Variants in CALN1 observed in about 807,000 individuals in gnomAD.
CALN1 encodes calneuron 1, also known as calcium-binding protein 8.
A neutral mutation model predicts 30.6 loss-of-function variants in CALN1; 17 were observed. The ratio of observed to expected loss-of-function variants is 0.56; its 90% confidence interval spans 0.38 to 0.83. CALN1 has a LOEUF of 0.83. Ranked by LOEUF, CALN1 falls within the 40% of genes least tolerant of loss-of-function variation. The probability of loss-of-function intolerance (pLI) is 0.00; values close to 1 mark genes in which losing one functional copy is unlikely to be tolerated. For synonymous variants in CALN1, 156 were observed against 131.4 expected (o/e 1.19, Z -1.28); for missense variants, 291 against 354.9 (o/e 0.82, Z 1.45).
chr7:72,379,485 C>G (rs1025544108), intron 2 of CALN1, among the ~76,000 whole-genome samples: 1 of 152,230 alleles, frequency 6.6e-6, no homozygotes, highest in Admixed American at 6.5e-5. Flanking sequence ...AGAAAAGTCA[C>G]TCAACCTCTA....
intron 2 of CALN1, among the ~76,000 whole-genome samples, chr7:72,350,548 T>C (rs1393742836): frequency 6.6e-6 from 1 of 152,168 alleles, no homozygotes; most frequent in Non-Finnish European, 1.5e-5. Context: ...AAATACTGCA[T>C]GTTTTCACTT....
chr7:71,949,018 G>A (rs1169870982), intron 5 of CALN1, among the ~76,000 whole-genome samples: 1 of 120,180 alleles, frequency 8.3e-6, no homozygotes, highest in African/African-American at 3.2e-5. Context: ...ACTCCAGCCT[G>A]AGTCACACAG....
intron 3 of CALN1, among the ~76,000 whole-genome samples, chr7:72,158,957 A>G (rs1787911789): frequency 6.6e-6 from 1 of 152,058 alleles, no homozygotes; most frequent in African/African-American, 2.4e-5. Flanking sequence ...GGTTCAAGCA[A>G]TTCTCCTGCC....
intron 3 of CALN1, among the ~76,000 whole-genome samples, chr7:72,125,799 C>CTTTTTTTTTT (rs61475416): frequency 3.5e-5 from 4 of 114,774 alleles, no homozygotes; most frequent in Non-Finnish European, 5.2e-5. Flanking sequence ...CTGTATCATT[C>CTTTTTTTTTT]TTTTTTTTTT....
chr7:72,213,400 C>T (rs1792550459), intron 3 of CALN1, among the ~76,000 whole-genome samples: 1 of 152,122 alleles, frequency 6.6e-6, no homozygotes, highest in Non-Finnish European at 1.5e-5. Context: ...GGCACATCTA[C>T]AGAAGCAGAA....
intron 3 of CALN1, among the ~76,000 whole-genome samples, chr7:72,223,391 T>C (rs1000343367): frequency 7.2e-5 from 11 of 151,844 alleles, no homozygotes; most frequent in African/African-American, 2.4e-4. Flanking sequence ...CATGAGGAAA[T>C]CGTGCTCCTT....
At chr7:72,417,493 C>A (rs1339174086) in intron 1 of CALN1, among the ~76,000 whole-genome samples, 9 of 152,238 alleles carry the variant, frequency 5.9e-5, no homozygotes, top group Admixed American at 5.9e-4. Context: ...TCTGTCCCCG[C>A]TACCGTGGGC....
intron 5 of CALN1, among the ~76,000 whole-genome samples, chr7:71,981,364 G>A (rs551152927): frequency 5.9e-5 from 9 of 152,098 alleles, no homozygotes; most frequent in South Asian, 2.1e-4. Flanking sequence ...TGCTGACATC[G>A]TGAGGCATCC....
intron 5 of CALN1, among the ~76,000 whole-genome samples, chr7:71,995,794 G>A (rs533594735): frequency 2.0e-5 from 3 of 151,252 alleles, no homozygotes; most frequent in African/African-American, 7.3e-5. Context: ...GATCCTTGTG[G>A]TTGAATCCAC....
intron 3 of CALN1, among the ~76,000 whole-genome samples, chr7:72,140,083 C>A (rs1809786266): frequency 6.6e-6 from 1 of 151,734 alleles, no homozygotes; most frequent in Non-Finnish European, 1.5e-5. Context: ...CCAGCCTGGG[C>A]AACAAAGTAA....
intron 5 of CALN1, among the ~76,000 whole-genome samples, chr7:71,886,445 T>C (rs1009073185): frequency 1.3e-5 from 2 of 152,226 alleles, no homozygotes; most frequent in Admixed American, 1.3e-4. Flanking sequence ...CTTCATGTGC[T>C]CTTTCATTCA....
At chr7:71,902,244 CCAACCAACCAACCAACCAACCAAT>C (rs1373533946) in intron 5 of CALN1, among the ~76,000 whole-genome samples, 1 of 129,728 alleles carries the variant, frequency 7.7e-6, no homozygotes, top group African/African-American at 3.2e-5. Flanking sequence ...AACCAACCAA[CCAACCAACCAACCAACCAACCAAT>C]CAAAAAAAAA....
At chr7:71,931,190 A>G (rs1391972239) in intron 5 of CALN1, among the ~76,000 whole-genome samples, 2 of 152,166 alleles carry the variant, frequency 1.3e-5, no homozygotes, top group Non-Finnish European at 2.9e-5. Context: ...AGGGGATAAC[A>G]TTTTGCTTAA....
rs575218526 is a variant in CALN1, at chr7:72,118,584, C to T, written c.245-12290G>A. ...TTAAAGCTAATGGAAAATTCCTCAA[C>T]AGTGAAAGAACAAAGCAAATTAGAA... is the stretch of plus-strand genomic sequence containing the variant. On this transcript the variant is annotated intron_variant, in intron 3 of 6. Coordinates refer to ENST00000395275, the MANE Select transcript of CALN1 (RefSeq NM_031468.4). Among the ~76,000 whole-genome samples the T allele has an allele frequency of 7.9e-5, 12 of 152,310 alleles. No individual in the cohort carries two copies. In the South Asian group the frequency reaches 2.5e-3, roughly 32 times the overall value.
intron 3 of CALN1, among the ~76,000 whole-genome samples, chr7:72,223,072 C>T (rs1452716231): frequency 6.6e-6 from 1 of 152,144 alleles, no homozygotes; most frequent in Non-Finnish European, 1.5e-5. Context: ...TTAGGGTGAG[C>T]TACAGGCTCC....
chr7:72,069,757 G>A (rs1000228383), intron 4 of CALN1, among the ~76,000 whole-genome samples: 1 of 152,084 alleles, frequency 6.6e-6, no homozygotes, highest in South Asian at 2.1e-4. Context: ...GATATCTTTG[G>A]GAGGCCATTT....
chr7:72,266,451 T>G (rs1796602820), intron 3 of CALN1, among the ~76,000 whole-genome samples: 1 of 152,202 alleles, frequency 6.6e-6, no homozygotes, highest in Non-Finnish European at 1.5e-5. Flanking sequence ...AGGTAACTGG[T>G]GTTTAACTTT....
In CALN1 at chr7:71,993,470, T is replaced by G. The variant is rs1035244913; in HGVS notation, c.501+30187A>C. 3.9e-4 allele frequency among the ~76,000 whole-genome samples: 59 copies of G among 151,024 alleles called. 1 individual carries two copies. The East Asian group carries it at 0.011, about 27-fold the overall frequency. ...AACAATGAGGCTTTTTTTTTTTTTT[T>G]GTCTGTCATGGAGTCTCACTCTGTC... On this transcript the variant is annotated intron_variant, in intron 5 of 6. Transcript: ENST00000395275.
intron 5 of CALN1, among the ~76,000 whole-genome samples, chr7:71,959,284 T>C (rs1797118852): frequency 6.6e-6 from 1 of 152,184 alleles, no homozygotes; most frequent in Non-Finnish European, 1.5e-5. Flanking sequence ...CTAGCAACAT[T>C]GTGATCAGTT....
Sources: gnomAD v4.1 joint callset for allele counts (sites outside exome capture counted in the v4.1 genomes callset) on GRCh38, gnomAD v4.1.1 for gene constraint, MANE v1.5 for transcripts, NCBI Gene and HGNC (gene_info 2026-07-23, HGNC 2026-07-21) for gene names.